BACE2: variants seen among roughly 807,000 people sequenced by gnomAD.
BACE2 encodes the protein 56 kDa aspartic-like protease.
Under a neutral mutation model 46.2 loss-of-function variants are expected in BACE2, and 17 were observed. The observed-to-expected ratio is 0.37, with a 90% CI of 0.25 to 0.55. The LOEUF (loss-of-function observed/expected upper bound fraction) is 0.55, where lower values mean the gene tolerates loss of function less well. BACE2 is among the 20% of genes least tolerant of loss of function. The probability of loss-of-function intolerance (pLI) is 0.82; values close to 1 mark genes in which losing one functional copy is unlikely to be tolerated. For missense variants in BACE2, 595 were observed against 698.1 expected, an observed-to-expected ratio of 0.85 and a Z score of 1.66; for synonymous variants, 277 against 295.9, an observed-to-expected ratio of 0.94 and a Z score of 0.66.
At chr21:41,222,412 G>A (rs907699608) in intron 1 of BACE2, among the ~76,000 whole-genome samples, 37 of 152,220 alleles carry the variant, frequency 2.4e-4, no homozygotes, top group Non-Finnish European at 1.3e-4. Flanking sequence ...GCGATGGGCC[G>A]TGCCACATGG....
intron 1 of BACE2, among the ~76,000 whole-genome samples, chr21:41,222,000 C>A (rs371062225): frequency 6.6e-6 from 1 of 152,132 alleles, no homozygotes; most frequent in Non-Finnish European, 1.5e-5. Flanking sequence ...GGCATGATTG[C>A]GCACGGGGCC....
chr21:41,267,556 T>G (rs2088391462), intron 8 of BACE2, among the ~76,000 whole-genome samples: 1 of 152,214 alleles, frequency 6.6e-6, no homozygotes, highest in South Asian at 2.1e-4. Flanking sequence ...GACTGTGAAT[T>G]TTTCTTGCTG....
Position 41,220,590 on chromosome 21 carries a change from G to A in BACE2, c.313-5676G>A, listed in dbSNP as rs190223118. Among the ~76,000 whole-genome samples, 52 of 152,216 alleles carry A rather than the reference G, an allele frequency of 3.4e-4. No homozygotes were observed. The East Asian group carries it at 8.7e-3, about 25-fold the overall frequency. ...ATTTCACAATCTTTCATGCCCTTTTGTACGTTTATGAGAAATTAGGATTAA... is the reference window on the plus strand; with the variant it reads ...ATTTCACAATCTTTCATGCCCTTTTATACGTTTATGAGAAATTAGGATTAA... On this transcript the variant is annotated intron_variant, in intron 1 of 8. Transcript: ENST00000330333.
chr21:41,252,931 A>G (rs1464335037), intron 7 of BACE2, among the ~76,000 whole-genome samples: 3 of 152,202 alleles, frequency 2.0e-5, no homozygotes, highest in Non-Finnish European at 2.9e-5. Flanking sequence ...CCACGCTCTC[A>G]GGAGAGGCTT....
chr21:41,241,794 GC>G (rs751683818), intron 3 of BACE2, 24 bp from the exon 4 acceptor site: 3 of 1,613,634 alleles, frequency 1.9e-6, no homozygotes. Context: ...CTAAGCGGGT[GC>G]CCCTCTCTGT....
At chr21:41,186,730 C>A (rs1985389786) in intron 1 of BACE2, 1 of 152,256 alleles carries the variant, frequency 6.6e-6, no homozygotes, top group South Asian at 2.1e-4. Flanking sequence ...CACAGCAGCG[C>A]CAGAGATGCC....
At position 41,277,966 on chromosome 21, in the gene BACE2, T is replaced by C. The variant is rs775340374; in HGVS notation, c.*2342T>C. On this transcript the variant is annotated 3_prime_UTR_variant, in exon 9 of 9. Coordinates refer to ENST00000330333, the MANE Select transcript of BACE2 (RefSeq NM_012105.5). Reference sequence around the variant, plus strand: ...TTGAATGTGGGACATTTTTCTGGCATGTCTTGCTGCTGAGAATCGGACTTC... The same window carrying C: ...TTGAATGTGGGACATTTTTCTGGCACGTCTTGCTGCTGAGAATCGGACTTC... 9.9e-5 allele frequency: 15 copies of C among 152,252 alleles called. No individual in the cohort carries two copies. Among genetic ancestry groups the C allele is most frequent in the Non-Finnish European group, 2.1e-4 (14 of 68,042 alleles). The allele number at this position is 152,252 out of a possible 1,614,324, so 9.4% of individuals were successfully genotyped here.
chr21:41,234,830 T>C (rs35470608), intron 2 of BACE2, among the ~76,000 whole-genome samples: 20,419 of 152,230 alleles, frequency 0.13, 1,442 homozygotes, highest in Middle Eastern at 0.16. Context: ...GTTACCTGGG[T>C]AATTTCTGGT....
intron 1 of BACE2, among the ~76,000 whole-genome samples, chr21:41,224,942 T>C (rs1986765142): frequency 6.6e-6 from 1 of 152,158 alleles, no homozygotes; most frequent in Non-Finnish European, 1.5e-5. Flanking sequence ...ACAGTAAAAA[T>C]GTATCTAGTC....
At chr21:41,179,833 T>A (rs1277902734) in intron 1 of BACE2, 3 of 419,776 alleles carry the variant, frequency 7.1e-6, no homozygotes, top group African/African-American at 6.3e-5. Flanking sequence ...TCCAGAAATG[T>A]CCCTGACACA....
At chr21:41,238,082 G>A (rs746596443) in intron 3 of BACE2, among the ~76,000 whole-genome samples, 16 of 152,226 alleles carry the variant, frequency 1.1e-4, no homozygotes, top group Non-Finnish European at 1.9e-4. Context: ...AAATTCATAC[G>A]TTTGCGTGAA....
rs150744512 is a variant in BACE2 at position 41,277,585 on chromosome 21, C to T, written c.*1961C>T. On this transcript the variant is annotated 3_prime_UTR_variant, in exon 9 of 9. Coordinates refer to ENST00000330333, the MANE Select transcript of BACE2 (RefSeq NM_012105.5). ...AGCCAACACCCCTAGATTGTGCCTT[C>T]ACCCTTGCTGTGAAAAATTCAAAGC... 2.6e-5 allele frequency: 4 copies of T among 152,230 alleles called. No individual in the cohort carries two copies. Among genetic ancestry groups the T allele is most frequent in the African/African-American group, 9.6e-5 (4 of 41,460 alleles). The allele number at this position is 152,230 out of a possible 1,614,324, so 9.4% of individuals were successfully genotyped here.
chr21:41,254,530 G>T (rs1165591127), intron 7 of BACE2, among the ~76,000 whole-genome samples: 1 of 152,126 alleles, frequency 6.6e-6, no homozygotes, highest in African/African-American at 2.4e-5. Context: ...TACTCATTTT[G>T]CACTCTTGCT....
chr21:41,264,077 C>A (rs1271596095), intron 8 of BACE2, among the ~76,000 whole-genome samples: 7 of 152,158 alleles, frequency 4.6e-5, no homozygotes, highest in African/African-American at 1.4e-4. Context: ...TCTTCAGATA[C>A]ATTTTATATT....
At chr21:41,244,430 CA>C (rs1987397638) in intron 5 of BACE2, among the ~76,000 whole-genome samples, 2 of 152,026 alleles carry the variant, frequency 1.3e-5, no homozygotes, top group South Asian at 2.1e-4. Flanking sequence ...AAATTACAAT[CA>C]AAGGGGGTTG....
chr21:41,273,926 G>A (rs983659636), intron 8 of BACE2, among the ~76,000 whole-genome samples: 15 of 152,138 alleles, frequency 9.9e-5, no homozygotes, highest in Admixed American at 3.3e-4. Context: ...CCCTCCGTTC[G>A]GGGTCCCTGA....
intron 1 of BACE2, among the ~76,000 whole-genome samples, chr21:41,213,438 A>G (rs1986358399): frequency 1.3e-5 from 2 of 151,940 alleles, no homozygotes; most frequent in Non-Finnish European, 2.9e-5. Context: ...GCATCAAAAC[A>G]AAATAAGGAA....
At chr21:41,209,521 G>A (rs746064) in intron 1 of BACE2, among the ~76,000 whole-genome samples, 58,627 of 152,074 alleles carry the variant, frequency 0.39, 11,919 homozygotes, top group Middle Eastern at 0.53. Context: ...GCAGAGTGAT[G>A]TATTTGAGAA....
chr21:41,260,914 AGG>A (rs1473563550), intron 8 of BACE2, among the ~76,000 whole-genome samples: 1 of 152,164 alleles, frequency 6.6e-6, no homozygotes, highest in Non-Finnish European at 1.5e-5. Context: ...TTAAATTTAT[AGG>A]AATGCTGTGG....
Sources: gnomAD v4.1 joint callset for allele counts (sites outside exome capture counted in the v4.1 genomes callset) on GRCh38, gnomAD v4.1.1 for gene constraint, MANE v1.5 for transcripts, NCBI Gene and HGNC (gene_info 2026-07-23, HGNC 2026-07-21) for gene names.